Variants in SGCZ observed in about 807,000 individuals in gnomAD.
The protein encoded by SGCZ is sarcoglycan zeta, also known as zeta-sarcoglycan.
SGCZ carries 40 observed loss-of-function variants against 41.3 expected under a neutral mutation model. The observed-to-expected ratio is 0.97, with a 90% CI of 0.75 to 1.26. SGCZ has a LOEUF of 1.26. Ranked by LOEUF, SGCZ falls within the 50% of genes most tolerant of loss-of-function variation. SGCZ has a pLI of 0.00. For synonymous variants in SGCZ, 206 were observed against 137.5 expected, an observed-to-expected ratio of 1.50 and a Z score of -3.49; for missense variants, 552 against 369.8, an observed-to-expected ratio of 1.49 and a Z score of -4.04.
intron 1 of SGCZ, among the ~76,000 whole-genome samples, chr8:14,840,611 C>T (rs1313368738): frequency 6.6e-6 from 1 of 152,010 alleles, no homozygotes; most frequent in Non-Finnish European, 1.5e-5. Context: ...TCTCATTTCT[C>T]CAAAATGAGT....
At chr8:14,567,953 A>C (rs561852006) in intron 1 of SGCZ, among the ~76,000 whole-genome samples, 50 of 152,302 alleles carry the variant, frequency 3.3e-4, no homozygotes, top group African/African-American at 8.9e-4. Context: ...GCTTTTAAGA[A>C]CTATAACGCT....
intron 1 of SGCZ, among the ~76,000 whole-genome samples, chr8:15,103,134 C>T (rs1585565253): frequency 6.6e-6 from 1 of 152,274 alleles, no homozygotes; most frequent in Non-Finnish European, 1.5e-5. Flanking sequence ...AGTGCAGTGG[C>T]TCAAGGCTGT....
chr8:15,129,230 C>CTACCCCTAATCGCGTCTATTAATGT (rs1807812522), intron 1 of SGCZ, among the ~76,000 whole-genome samples: 1 of 152,144 alleles, frequency 6.6e-6, no homozygotes, highest in Admixed American at 6.6e-5. Flanking sequence ...TTGTCTCGCA[C>CTACCCCTAATCGCGTCTATTAATGT]TACCCCTAAT....
chr8:14,390,361 T>A (rs1333803411), intron 2 of SGCZ, among the ~76,000 whole-genome samples: 2 of 151,864 alleles, frequency 1.3e-5, no homozygotes, highest in African/African-American at 4.8e-5. Context: ...ATCAACTGTG[T>A]TCTAATAATT....
intron 4 of SGCZ, among the ~76,000 whole-genome samples, chr8:14,237,045 G>T (rs187656722): frequency 6.6e-6 from 1 of 151,890 alleles, no homozygotes; most frequent in Non-Finnish European, 1.5e-5. Context: ...TATATAAGCA[G>T]ATACAATTTA....
chr8:15,155,780 G>A (rs1374088872), intron 1 of SGCZ, among the ~76,000 whole-genome samples: 1 of 152,154 alleles, frequency 6.6e-6, no homozygotes, highest in African/African-American at 2.4e-5. Flanking sequence ...AGAGTGGGCT[G>A]AGCGTGGTGA....
intron 1 of SGCZ, among the ~76,000 whole-genome samples, chr8:14,645,478 T>TATATATATATATATA (rs1807178145): frequency 1.9e-5 from 2 of 106,592 alleles, no homozygotes; most frequent in East Asian, 3.3e-4. Flanking sequence ...ATATATATAT[T>TATATATATATATATA]TATATGTATA....
chr8:14,877,750 CA>C (rs1210396557), intron 1 of SGCZ, among the ~76,000 whole-genome samples: 2 of 152,004 alleles, frequency 1.3e-5, no homozygotes, highest in African/African-American at 4.8e-5. Flanking sequence ...TGGGAGCTTC[CA>C]AAGCATTCAT....
intron 2 of SGCZ, among the ~76,000 whole-genome samples, chr8:14,391,139 G>A (rs1002647769): frequency 2.3e-4 from 35 of 152,192 alleles, no homozygotes; most frequent in African/African-American, 8.2e-4. Context: ...TAAGGCTCTA[G>A]GGGTGATCTG....
intron 3 of SGCZ, among the ~76,000 whole-genome samples, chr8:14,292,076 C>G (rs1330158330): frequency 1.3e-5 from 2 of 152,016 alleles, no homozygotes; most frequent in African/African-American, 4.8e-5. Flanking sequence ...AGGCTCAAGA[C>G]TGTGACAGGT....
Position 14,106,189 on chromosome 8 carries a change from G to A in SGCZ, c.620+1974C>T, listed in dbSNP as rs555775847. Among the ~76,000 whole-genome samples, 7 of 152,196 alleles carry A rather than the reference G, an allele frequency of 4.6e-5. 1 individual carries two copies. In the South Asian group the frequency reaches 1.0e-3, roughly 23 times the overall value. ...ATGTGGTAAGATAACAGTGCTGGCT[G>A]CTACAGCATTAAGGATAAACAAGGC... On this transcript the variant is annotated intron_variant, in intron 6 of 7. Coordinates refer to ENST00000382080, the MANE Select transcript of SGCZ (RefSeq NM_139167.4).
chr8:14,815,831 AAC>A (rs1801886632), intron 1 of SGCZ, among the ~76,000 whole-genome samples: 1 of 152,220 alleles, frequency 6.6e-6, no homozygotes, highest in Non-Finnish European at 1.5e-5. Flanking sequence ...TATGTGTGAA[AAC>A]ACAGGAGATT....
chr8:14,710,889 C>T (rs996974393), intron 1 of SGCZ, among the ~76,000 whole-genome samples: 2 of 152,068 alleles, frequency 1.3e-5, no homozygotes, highest in East Asian at 1.9e-4. Flanking sequence ...ACACTCAAAA[C>T]GAAGACCGAA....
At chr8:14,701,647 T>C (rs1034034501) in intron 1 of SGCZ, among the ~76,000 whole-genome samples, 1 of 152,014 alleles carries the variant, frequency 6.6e-6, no homozygotes, top group South Asian at 2.1e-4. Context: ...TCCTGCAGCT[T>C]TCTCTTCTTT....
intron 1 of SGCZ, among the ~76,000 whole-genome samples, chr8:14,830,887 A>T (rs1213341415): frequency 2.0e-5 from 3 of 152,212 alleles, no homozygotes; most frequent in Admixed American, 1.3e-4. Flanking sequence ...CAAGGAAGAA[A>T]AGGAAATTAT....
chr8:14,978,141 T>G (rs922294420), intron 1 of SGCZ, among the ~76,000 whole-genome samples: 2 of 152,030 alleles, frequency 1.3e-5, no homozygotes, highest in Non-Finnish European at 2.9e-5. Flanking sequence ...TATGTTAGTT[T>G]CAAAAGATTA....
chr8:14,642,864 G>C (rs183880755), intron 1 of SGCZ, among the ~76,000 whole-genome samples: 1 of 151,336 alleles, frequency 6.6e-6, no homozygotes, highest in Non-Finnish European at 1.5e-5. Context: ...GAAAGCATAG[G>C]GCAATATGTT....
At chr8:14,168,600 C>T (rs528762627) in intron 4 of SGCZ, among the ~76,000 whole-genome samples, 1 of 152,278 alleles carries the variant, frequency 6.6e-6, no homozygotes, top group South Asian at 2.1e-4. Flanking sequence ...GCAGCCATGA[C>T]TGTGAGGCCT....
chr8:14,431,172 A>G (rs1016941502), intron 2 of SGCZ, among the ~76,000 whole-genome samples: 6 of 152,226 alleles, frequency 3.9e-5, no homozygotes, highest in Non-Finnish European at 7.3e-5. Context: ...CATTCTTCAC[A>G]TAATGAGGAA....
Sources: allele counts gnomAD v4.1 joint callset (sites outside exome capture counted in the v4.1 genomes callset), GRCh38; gene constraint gnomAD v4.1.1; transcripts MANE v1.5; gene names NCBI Gene and HGNC (gene_info 2026-07-23, HGNC 2026-07-21).